The following TELO2 variants were observed in gnomAD, a reference collection of about 807,000 sequenced individuals.
TELO2 encodes the protein telomere maintenance 2, also known as telomere length regulation protein TEL2 homolog.
A neutral mutation model predicts 91.0 loss-of-function variants in TELO2; 71 were observed. The observed-to-expected ratio is 0.78, with a 90% CI of 0.64 to 0.95. The LOEUF is 0.95. Ranked by LOEUF, TELO2 falls within the 40% of genes least tolerant of loss-of-function variation. TELO2 has a pLI of 0.00. For missense variants in TELO2, 1,183 were observed against 1,141.3 expected, an observed-to-expected ratio of 1.04 and a Z score of -0.53; for synonymous variants, 584 against 518.9, an observed-to-expected ratio of 1.13 and a Z score of -1.71.
At chr16:1,509,218 G>C (rs1054664605) in intron 20 of TELO2, among the ~76,000 whole-genome samples, 1 of 152,140 alleles carries the variant, frequency 6.6e-6, no homozygotes, top group Non-Finnish European at 1.5e-5. Context: ...CTTTCCACTC[G>C]GCTGGCGGGG....
chr16:1,497,532 G>A lies in TELO2; in HGVS notation c.830+24G>A. The A allele has an allele frequency of 6.5e-7, 1 of 1,535,144 alleles. No homozygotes were observed. On this transcript the variant is annotated intron_variant, in intron 5 of 20. Transcript: ENST00000262319. The surrounding 1 kb of genome is among the most constrained non-coding windows in gnomAD (Gnocchi z 4.0). ...GGGTAAGCAGCCAGGCTGTCCTCCA[G>A]CTGCACTGGCTTCTGGGGTCTGGAC...
chr16:1,494,480 G>C lies in TELO2; in HGVS notation c.199G>C (p.Ala67Pro), dbSNP rs1334293108. Residue 67 changes from alanine (A) to proline (P), a missense_variant, in exon 2 of 21, where the codon GCC becomes CCC. By Grantham distance (27) the Ala-to-Pro change is conservative. Coordinates refer to ENST00000262319, the MANE Select transcript of TELO2 (RefSeq NM_016111.4). The surrounding 1 kb of genome is among the most constrained non-coding windows in gnomAD (Gnocchi z 5.6). ...AHFSPVLRCLASRLSPAWLEL... is the reference protein window; with the variant it reads ...AHFSPVLRCLPSRLSPAWLEL... ...CTTCTCGCCTGTCCTCAGATGTCTTGCCAGCAGGCTGAGCCCAGCCTGGCT... is the reference window on the plus strand; with the variant it reads ...CTTCTCGCCTGTCCTCAGATGTCTTCCCAGCAGGCTGAGCCCAGCCTGGCT... 1.2e-6 allele frequency: 2 copies of C among 1,613,296 alleles called. No individual in the cohort carries two copies. The highest frequency in any genetic ancestry group is 1.7e-6 in the Non-Finnish European group (2 of 1,179,958).
chr16:1,509,741 C>T (rs780915553), intron 20 of TELO2, 89 bp from the exon 21 acceptor site: 37 of 1,240,252 alleles, frequency 3.0e-5, no homozygotes, highest in South Asian at 4.0e-5. Flanking sequence ...TCAGGCCTGG[C>T]GGGGCTGGTT....
rs375112902 is a variant in TELO2 at position 1,495,545 on chromosome 16, T to C, written c.535T>C (p.Phe179Leu). 3.7e-6 allele frequency: 6 copies of C among 1,611,890 alleles called. No homozygotes were observed. Among genetic ancestry groups the C allele is most frequent in the Non-Finnish European group, 5.1e-6 (6 of 1,179,950 alleles). ...NRLQQENLAE[F>L]FPQNYFRLLG... ...CCTGCAGCAGGAGAACTTGGCCGAG[T>C]TCTTCCCCCAGAACTACTTCCGCCT... The change falls in exon 3 of 21, where the codon TTC becomes CTC. Residue 179 changes from phenylalanine to leucine, a missense_variant. Coordinates refer to ENST00000262319, the MANE Select transcript of TELO2 (RefSeq NM_016111.4).
chr16:1,503,971 C>G (rs2039794947), intron 15 of TELO2, among the ~76,000 whole-genome samples: 1 of 151,720 alleles, frequency 6.6e-6, no homozygotes, highest in African/African-American at 2.4e-5. Context: ...GTCATCTCCA[C>G]CAGAAGAAAA....
intron 18 of TELO2, 120 bp downstream of exon 18, chr16:1,507,171 G>A (rs761141566): frequency 8.1e-6 from 12 of 1,482,672 alleles, no homozygotes; most frequent in South Asian, 2.5e-5. Flanking sequence ...GTGGGCCCCC[G>A]GGCAGCGGGA....
In TELO2 at chr16:1,502,369, G is replaced by T; in HGVS notation, c.1618G>T (p.Gly540Cys). ...RWEAALRALE[G>C]LVYRSPTATR... ...GGAGGCAGCCCTGCGGGCCCTTGAG[G>T]GCCTGGTCTACAGGAGCCCCACAGC... The change falls in exon 13 of 21, where the codon GGC becomes TGC. Residue 540 changes from glycine (G) to cysteine (C), a missense_variant. Physicochemically the swap from Gly to Cys is radical, Grantham distance 159 (BLOSUM62 -3). Coordinates refer to ENST00000262319, the MANE Select transcript of TELO2 (RefSeq NM_016111.4). The T allele has an allele frequency of 6.2e-7, 1 of 1,605,258 alleles. No individual in the cohort carries two copies. Among genetic ancestry groups the T allele is most frequent in the Non-Finnish European group, 8.5e-7 (1 of 1,177,672 alleles).
chr16:1,495,946 G>C (rs576508094), intron 3 of TELO2, among the ~76,000 whole-genome samples: 1 of 152,244 alleles, frequency 6.6e-6, no homozygotes, highest in Non-Finnish European at 1.5e-5. Flanking sequence ...TGGAGAGGGG[G>C]TGCTGTGGGA....
chr16:1,508,426 C>T (rs946420338), intron 20 of TELO2, among the ~76,000 whole-genome samples: 5 of 152,352 alleles, frequency 3.3e-5, no homozygotes, highest in Admixed American at 1.3e-4. Context: ...CCACCGCGCC[C>T]GGCCAGTCCC....
chr16:1,495,458 A>C lies in TELO2; in HGVS notation c.448A>C (p.Ile150Leu), dbSNP rs761180773. Residue 150 changes from isoleucine to leucine, a missense_variant, in exon 3 of 21, where the codon ATC becomes CTC. Transcript: ENST00000262319. Reference protein sequence around the residue: ...QCRQQTQPGFILLRETLLGKV... With the variant: ...QCRQQTQPGFLLLRETLLGKV... ...TCGGCAGCAGACGCAGCCCGGCTTC[A>C]TCCTGCTCCGGGAGACGCTGCTGGG... The C allele has an allele frequency of 1.2e-6, 2 of 1,609,172 alleles. No individual in the cohort carries two copies. The highest frequency in any genetic ancestry group is 1.1e-5 in the South Asian group (1 of 90,746).
At chr16:1,503,343 A>T (rs898791974) in intron 15 of TELO2, among the ~76,000 whole-genome samples, 1 of 152,198 alleles carries the variant, frequency 6.6e-6, no homozygotes, top group Non-Finnish European at 1.5e-5. Context: ...AGGCGGGAGG[A>T]TCGCTGGAGC....
chr16:1,494,930 A>C lies in TELO2; in HGVS notation c.335+314A>C, dbSNP rs1596247925. On this transcript the variant is annotated intron_variant, in intron 2 of 20. Coordinates refer to ENST00000262319, the MANE Select transcript of TELO2 (RefSeq NM_016111.4). The surrounding 1 kb of genome is among the most constrained non-coding windows in gnomAD (Gnocchi z 5.6). ...GACGTTCCAGGTTTTCCAGGGAAGC[A>C]CAGCTGTCATCACTGACACGTGTCC... is the stretch of plus-strand genomic sequence containing the variant. Among the ~76,000 whole-genome samples, 1 of 152,174 alleles carries C rather than the reference A, an allele frequency of 6.6e-6. No individual in the cohort carries two copies. The highest frequency in any genetic ancestry group is 1.9e-4 in the East Asian group (1 of 5,184).
At chr16:1,498,385 C>G (rs73495664) in intron 5 of TELO2, among the ~76,000 whole-genome samples, 3,250 of 152,256 alleles carry the variant, frequency 0.021, 140 homozygotes, top group African/African-American at 0.074. Flanking sequence ...TCTCTGTGAA[C>G]TATATAATCA....
intron 5 of TELO2, among the ~76,000 whole-genome samples, chr16:1,498,939 G>A (rs529707649): frequency 2.0e-5 from 3 of 152,190 alleles, no homozygotes; most frequent in South Asian, 2.1e-4. Context: ...GGAGGCCTTC[G>A]AGGGTGGACC....
At chr16:1,501,319 G>A (rs1323247415) in intron 9 of TELO2, 101 bp from the exon 10 acceptor site, 3 of 1,282,698 alleles carry the variant, frequency 2.3e-6, no homozygotes, top group Non-Finnish European at 3.3e-6. Flanking sequence ...GTGAGACCGG[G>A]CTGCGAGGGA....
chr16:1,502,063 C>T lies in TELO2; in HGVS notation c.1489C>T (p.Pro497Ser), dbSNP rs140861723. 4.9e-4 allele frequency: 787 copies of T among 1,613,344 alleles called. No homozygotes were observed. The highest frequency in any genetic ancestry group is 6.2e-4 in the Non-Finnish European group (731 of 1,179,976). The change falls in exon 12 of 21, where the codon CCC (proline) becomes TCC (serine). Residue 497 changes from proline to serine, a missense_variant. Pro to Ser is a moderately conservative substitution (Grantham distance 74). Coordinates refer to ENST00000262319, the MANE Select transcript of TELO2 (RefSeq NM_016111.4). Reference sequence around the variant, plus strand: ...CTCCCACAGCGATGATGAGTTTGTCCCCTACGACATGTCGGGGGACAGAGA... The same window carrying T: ...CTCCCACAGCGATGATGAGTTTGTCTCCTACGACATGTCGGGGGACAGAGA... ...SDLDSDDEFVPYDMSGDRELK... is the reference protein window; with the variant it reads ...SDLDSDDEFVSYDMSGDRELK...
At chr16:1,502,564 G>T (rs2039729573) in intron 13 of TELO2, 81 bp from the exon 14 acceptor site, 2 of 1,544,764 alleles carry the variant, frequency 1.3e-6, no homozygotes, top group Non-Finnish European at 1.8e-6. Context: ...GGGGTGGGTG[G>T]CTCCGGCCCT....
In TELO2 at chr16:1,495,460, C is replaced by A. The variant is rs750739463; in HGVS notation, c.450C>A (p.Ile150=). The A allele has an allele frequency of 1.2e-6, 2 of 1,609,220 alleles. No homozygotes were observed. The highest frequency in any genetic ancestry group is 2.2e-5 in the South Asian group (2 of 90,756). The change falls in exon 3 of 21, where the codon ATC becomes ATA. Residue 150 remains isoleucine, a synonymous_variant. Transcript: ENST00000262319. ...QCRQQTQPGF[I]LLRETLLGKV... ...GGCAGCAGACGCAGCCCGGCTTCATCCTGCTCCGGGAGACGCTGCTGGGCA... is the reference window on the plus strand; with the variant it reads ...GGCAGCAGACGCAGCCCGGCTTCATACTGCTCCGGGAGACGCTGCTGGGCA...
At chr16:1,507,774 A>ATGTG (rs1258445053) in intron 20 of TELO2, 58 bp downstream of exon 20, 25 of 1,025,334 alleles carry the variant, frequency 2.4e-5, no homozygotes, top group African/African-American at 4.2e-5. Context: ...GTGTGTGTGT[A>ATGTG]TGTGTGTGTG....
Sources: gnomAD v4.1 joint callset for allele counts (sites outside exome capture counted in the v4.1 genomes callset) on GRCh38, gnomAD v4.1.1 for gene constraint, Gnocchi (gnomAD v3.1) non-coding constraint, MANE v1.5 for transcripts, NCBI Gene and HGNC (gene_info 2026-07-23, HGNC 2026-07-21) for gene names.